The following TCF4 variants were observed in gnomAD, a reference collection of about 807,000 sequenced individuals.
The protein encoded by TCF4 is SL3-3 enhancer factor 2.
In TCF4, 3 loss-of-function variants were observed where a neutral mutation model predicts 82.1. That is an observed-to-expected ratio of 0.04 (90% CI 0.02 to 0.09). The LOEUF (loss-of-function observed/expected upper bound fraction) is 0.09. Ranked by LOEUF, TCF4 falls within the 10% of genes least tolerant of loss-of-function variation. The probability of loss-of-function intolerance (pLI) is 1.00; values close to 1 mark genes in which losing one functional copy is unlikely to be tolerated. For synonymous variants in TCF4, 276 were observed against 309.6 expected (o/e 0.89, Z 1.14); for missense variants, 518 against 852.7 (o/e 0.61, Z 4.89).
exon 1 of TCF4, chr18:55,635,760 A>G: frequency 6.4e-7 from 1 of 1,550,646 alleles, no homozygotes; most frequent in African/African-American, 1.4e-5. Flanking sequence ...TGCATGTTAC[A>G]ATGTCCTGAG....
At chr18:55,233,982 G>T (rs778612509) in intron 16 of TCF4, among the ~76,000 whole-genome samples, 2 of 152,000 alleles carry the variant, frequency 1.3e-5, no homozygotes, top group East Asian at 1.9e-4. Context: ...TAAATGTGAA[G>T]GGACTGAGAA....
intron 3 of TCF4, among the ~76,000 whole-genome samples, chr18:55,527,862 T>TA (rs1360091307): frequency 1.1e-4 from 17 of 152,226 alleles, no homozygotes; most frequent in Non-Finnish European, 2.2e-4. Flanking sequence ...TTTTCTGTTA[T>TA]AAAAAAATGT....
At chr18:55,301,750 T>C (rs1166057203) in intron 8 of TCF4, among the ~76,000 whole-genome samples, 3 of 134,250 alleles carry the variant, frequency 2.2e-5, no homozygotes, top group African/African-American at 8.6e-5. Flanking sequence ...GATTCTTCTT[T>C]TGCAAACAGT....
In TCF4 at chr18:55,577,405, T is replaced by C. The variant is rs886109500; in HGVS notation, c.145+7875A>G. Among the ~76,000 whole-genome samples, 4 of 151,712 alleles carry C rather than the reference T, an allele frequency of 2.6e-5. No individual in the cohort carries two copies. The East Asian group carries it at 7.7e-4, about 29-fold the overall frequency. ...AAAACCCAAGGGGACAAACTGAAGCTATGCTACCAGTCTCCAGATATAAAT... is the reference window on the plus strand; with the variant it reads ...AAAACCCAAGGGGACAAACTGAAGCCATGCTACCAGTCTCCAGATATAAAT... On this transcript the variant is annotated intron_variant, in intron 3 of 19. Coordinates refer to ENST00000354452, the MANE Select transcript of TCF4 (RefSeq NM_001083962.2).
intron 15 of TCF4, among the ~76,000 whole-genome samples, chr18:55,250,697 T>C (rs2054768839): frequency 2.0e-5 from 3 of 152,190 alleles, no homozygotes; most frequent in Admixed American, 2.0e-4. Context: ...ACTCACAGAA[T>C]GTTAAGTTTC....
At chr18:55,364,435 T>C (rs1441729542) in intron 6 of TCF4, among the ~76,000 whole-genome samples, 3 of 152,232 alleles carry the variant, frequency 2.0e-5, no homozygotes, top group Non-Finnish European at 1.5e-5. Flanking sequence ...AACCATTCCC[T>C]ACAATTCCTC....
upstream of TCF4, chr18:55,591,106 C>T (rs1299682136): frequency 6.6e-6 from 1 of 152,198 alleles, no homozygotes; most frequent in Non-Finnish European, 1.5e-5. Flanking sequence ...TTTCGGCGAT[C>T]TTTTACTTAC....
chr18:55,570,172 C>G (rs2097449446), intron 3 of TCF4, among the ~76,000 whole-genome samples: 1 of 152,116 alleles, frequency 6.6e-6, no homozygotes, highest in Non-Finnish European at 1.5e-5. Context: ...CTTTTCAGTA[C>G]GTGTGAATGG....
chr18:55,627,655 C>T (rs568477241), intron 2 of TCF4, among the ~76,000 whole-genome samples: 1 of 152,182 alleles, frequency 6.6e-6, no homozygotes, highest in Non-Finnish European at 1.5e-5. Flanking sequence ...ATCCCAGCTA[C>T]TCGGAAGGCT....
At chr18:55,576,796 G>C (rs1039026883) in intron 3 of TCF4, among the ~76,000 whole-genome samples, 2 of 152,060 alleles carry the variant, frequency 1.3e-5, no homozygotes, top group Non-Finnish European at 2.9e-5. Flanking sequence ...CCTGTTAGAA[G>C]AAGCTTGTCC....
At chr18:55,245,284 C>T (rs1222719208) in intron 15 of TCF4, among the ~76,000 whole-genome samples, 1 of 152,172 alleles carries the variant, frequency 6.6e-6, no homozygotes. Context: ...TAAAATAACA[C>T]AACGGCCATG....
intron 3 of TCF4, among the ~76,000 whole-genome samples, chr18:55,488,186 T>C (rs956212683): frequency 6.6e-6 from 1 of 152,168 alleles, no homozygotes; most frequent in Non-Finnish European, 1.5e-5. Context: ...ACTCCCTGGG[T>C]TTTCATTGGC....
intron 2 of TCF4, among the ~76,000 whole-genome samples, chr18:55,622,231 G>A (rs571812799): frequency 2.7e-5 from 4 of 150,558 alleles, no homozygotes; most frequent in East Asian, 3.9e-4. Context: ...AACTGTGGCC[G>A]GGAGTGGTGG....
chr18:55,305,172 C>T (rs887722110), intron 8 of TCF4, among the ~76,000 whole-genome samples: 4 of 152,262 alleles, frequency 2.6e-5, no homozygotes, highest in East Asian at 3.9e-4. Flanking sequence ...GTCTTCCTCC[C>T]GCTATCATCC....
intron 3 of TCF4, chr18:55,510,798 T>C: frequency 8.3e-7 from 1 of 1,209,544 alleles, no homozygotes; most frequent in Non-Finnish European, 1.0e-6. Flanking sequence ...TTTATTTGTA[T>C]ATATCAGTCA....
At chr18:55,461,602 T>G (rs1281509835) in intron 4 of TCF4, among the ~76,000 whole-genome samples, 1 of 152,180 alleles carries the variant, frequency 6.6e-6, no homozygotes, top group Non-Finnish European at 1.5e-5. Flanking sequence ...TTTATTATAG[T>G]TACTATTGTG....
At chr18:55,237,170 T>C (rs981176015) in intron 15 of TCF4, among the ~76,000 whole-genome samples, 1 of 152,158 alleles carries the variant, frequency 6.6e-6, no homozygotes, top group Non-Finnish European at 1.5e-5. Flanking sequence ...TACTTGCATG[T>C]TATATAGAAA....
chr18:55,257,593 A>G, intron 13 of TCF4: 1 of 605,488 alleles, frequency 1.7e-6, no homozygotes, highest in Non-Finnish European at 2.9e-6. Flanking sequence ...CTTTACATAG[A>G]CTCACAATTC....
chr18:55,531,040 C>T (rs1265354282), intron 3 of TCF4, among the ~76,000 whole-genome samples: 1 of 151,886 alleles, frequency 6.6e-6, no homozygotes, highest in East Asian at 1.9e-4. Flanking sequence ...CAACTTCCGC[C>T]TCCCGGGTTC....
Sources: allele counts gnomAD v4.1 joint callset (sites outside exome capture counted in the v4.1 genomes callset), GRCh38; gene constraint gnomAD v4.1.1; transcripts MANE v1.5; gene names NCBI Gene and HGNC (gene_info 2026-07-23, HGNC 2026-07-21).